Variants in ARSB observed in about 807,000 individuals in gnomAD.
ARSB encodes arylsulfatase B.
A neutral mutation model predicts 50.9 loss-of-function variants in ARSB; 41 were observed. The ratio of observed to expected loss-of-function variants is 0.81; its 90% confidence interval spans 0.63 to 1.04. The LOEUF is 1.04. Among genes scored for constraint, ARSB ranks in the 50% least tolerant of loss-of-function variants. The probability of loss-of-function intolerance (pLI) is 0.00; values close to 1 mark genes in which losing one functional copy is unlikely to be tolerated. For synonymous variants in ARSB, 269 were observed against 284.8 expected (o/e 0.94, Z 0.56); for missense variants, 672 against 693.3 (o/e 0.97, Z 0.35).
chr5:78,875,308 A>C (rs754118917), intron 5 of ARSB, among the ~76,000 whole-genome samples: 11 of 152,228 alleles, frequency 7.2e-5, no homozygotes, highest in Non-Finnish European at 1.3e-4. Flanking sequence ...CCCATAGAAT[A>C]CATTCTTTCA....
intron 5 of ARSB, among the ~76,000 whole-genome samples, chr5:78,878,270 A>G (rs1035503699): frequency 2.0e-5 from 3 of 152,206 alleles, no homozygotes; most frequent in African/African-American, 7.2e-5. Flanking sequence ...AAGAAAAATT[A>G]AAAAGTGAGA....
At chr5:78,925,849 G>C (rs1750019339) in intron 4 of ARSB, among the ~76,000 whole-genome samples, 1 of 152,094 alleles carries the variant, frequency 6.6e-6, no homozygotes, top group African/African-American at 2.4e-5. Context: ...ACCTACCCCA[G>C]AGAAGTAGAA....
chr5:78,840,452 T>C (rs1745152497), intron 5 of ARSB, among the ~76,000 whole-genome samples: 1 of 152,110 alleles, frequency 6.6e-6, no homozygotes, highest in Admixed American at 6.6e-5. Flanking sequence ...CCAATACAAT[T>C]TCAAAAAATC....
intron 6 of ARSB, among the ~76,000 whole-genome samples, chr5:78,792,717 T>A (rs1049443880): frequency 1.3e-5 from 2 of 152,182 alleles, no homozygotes; most frequent in Admixed American, 6.5e-5. Flanking sequence ...CTCTTGAATT[T>A]CCACGGTGGT....
At chr5:78,909,888 C>T (rs1270048203) in intron 4 of ARSB, among the ~76,000 whole-genome samples, 1 of 152,164 alleles carries the variant, frequency 6.6e-6, no homozygotes, top group African/African-American at 2.4e-5. Flanking sequence ...CTGAATGTCT[C>T]GGTATAAAAC....
intron 6 of ARSB, among the ~76,000 whole-genome samples, chr5:78,836,157 C>A (rs1018836959): frequency 1.3e-5 from 2 of 152,102 alleles, no homozygotes; most frequent in Non-Finnish European, 2.9e-5. Context: ...GAGCAGGCAC[C>A]CAAAGACAGC....
rs886060779 is a variant in ARSB at position 78,777,245 on chromosome 5, T to C, written c.*3152A>G. ...CTAAAATTTTTACTATATTTATTTA[T>C]TTAACAGCTTTACTGAGATATAATT... On this transcript the variant is annotated 3_prime_UTR_variant, in exon 8 of 8. Transcript: ENST00000264914. The C allele has an allele frequency of 6.6e-6, 1 of 152,162 alleles. No individual in the cohort carries two copies. Among genetic ancestry groups the C allele is most frequent in the Non-Finnish European group, 1.5e-5 (1 of 68,032 alleles). 9.4% of individuals were successfully genotyped at this position (152,162 alleles called of 1,614,324 possible).
chr5:78,956,960 C>A (rs1751755449), intron 3 of ARSB, among the ~76,000 whole-genome samples: 1 of 152,098 alleles, frequency 6.6e-6, no homozygotes, highest in Non-Finnish European at 1.5e-5. Flanking sequence ...AAGTGAACAC[C>A]ATGCCTTGTT....
chr5:78,912,829 T>C (rs1749367715), intron 4 of ARSB, among the ~76,000 whole-genome samples: 1 of 152,230 alleles, frequency 6.6e-6, no homozygotes, highest in African/African-American at 2.4e-5. Context: ...TCCATTTCCA[T>C]GTCTTGATAA....
intron 1 of ARSB, among the ~76,000 whole-genome samples, chr5:78,976,860 A>T (rs1335806783): frequency 6.6e-6 from 1 of 152,172 alleles, no homozygotes; most frequent in African/African-American, 2.4e-5. Flanking sequence ...AGGGAGACCC[A>T]GCCTCCCTCC....
At chr5:78,888,733 T>C (rs1308176843) in intron 4 of ARSB, among the ~76,000 whole-genome samples, 1 of 151,972 alleles carries the variant, frequency 6.6e-6, no homozygotes, top group Non-Finnish European at 1.5e-5. Context: ...GATAGGAAAA[T>C]TCTCCGGGTT....
intron 1 of ARSB, among the ~76,000 whole-genome samples, chr5:78,979,787 C>T (rs189170644): frequency 6.6e-6 from 1 of 152,322 alleles, no homozygotes; most frequent in East Asian, 1.9e-4. Flanking sequence ...TACGGCGTTT[C>T]ACTCCTACAT....
At chr5:78,812,064 G>A (rs1333650278) in intron 6 of ARSB, among the ~76,000 whole-genome samples, 1 of 152,066 alleles carries the variant, frequency 6.6e-6, no homozygotes, top group Non-Finnish European at 1.5e-5. Context: ...CCACATCCTT[G>A]CATGTGCCTC....
At chr5:78,847,589 T>C (rs536978201) in intron 5 of ARSB, among the ~76,000 whole-genome samples, 29 of 152,316 alleles carry the variant, frequency 1.9e-4, no homozygotes, top group Admixed American at 9.1e-4. Context: ...GGAATAAGTT[T>C]AGAAGAATTC....
chr5:78,975,297 C>T (rs1204603950), intron 1 of ARSB, among the ~76,000 whole-genome samples: 1 of 152,244 alleles, frequency 6.6e-6, no homozygotes, highest in African/African-American at 2.4e-5. Context: ...CTTCTGCCTG[C>T]AGCATGCATC....
Position 78,905,582 on chromosome 5 carries a change from C to T in ARSB, c.899-19755G>A, listed in dbSNP as rs1041687888. ...TGCTATGAGGTTTGGGTTTGCCCAG[C>T]GCATGTGCCACTCAGGGGTTAATCT... is the stretch of plus-strand genomic sequence containing the variant. On this transcript the variant is annotated intron_variant, in intron 4 of 7. Transcript: ENST00000264914. Among the ~76,000 whole-genome samples, 9 of 152,148 alleles carry T rather than the reference C, an allele frequency of 5.9e-5. No individual in the cohort carries two copies. The South Asian group carries it at 6.2e-4, about 11-fold the overall frequency.
chr5:78,917,226 G>T (rs1172864804), intron 4 of ARSB, among the ~76,000 whole-genome samples: 1 of 152,176 alleles, frequency 6.6e-6, no homozygotes, highest in Non-Finnish European at 1.5e-5. Context: ...TTGTGCCAAA[G>T]TTCCTTTTAA....
At chr5:78,792,357 C>A (rs570777743) in intron 6 of ARSB, among the ~76,000 whole-genome samples, 1 of 147,512 alleles carries the variant, frequency 6.8e-6, no homozygotes, top group South Asian at 2.2e-4. Context: ...CCAGCCTGGA[C>A]GACAGAGTGA....
chr5:78,885,795 TA>T lies in ARSB; in HGVS notation c.930del (p.Asn310LysfsTer28). 6.2e-7 allele frequency: 1 copy of T among 1,614,186 alleles called. No homozygotes were observed. Among genetic ancestry groups the T allele is most frequent in the South Asian group, 1.1e-5 (1 of 91,072 alleles). The stretch of plus-strand genomic sequence containing the variant: ...CATTTTCTTCCTCGAAGGGGCCAGT[TA>T]TTACCCCCTGCCAAAGTCTGCCCTC... ...DNGGQTLAGG[N>X]NWPLRGRKWS... On this transcript the variant is annotated frameshift_variant, in exon 5 of 8. Coordinates refer to ENST00000264914, the MANE Select transcript of ARSB (RefSeq NM_000046.5). LOFTEE classifies it high-confidence loss of function.
Sources: allele counts gnomAD v4.1 joint callset (sites outside exome capture counted in the v4.1 genomes callset), GRCh38; gene constraint gnomAD v4.1.1; transcripts MANE v1.5; gene names NCBI Gene and HGNC (gene_info 2026-07-23, HGNC 2026-07-21).